Variants in TACR1 observed in about 807,000 individuals in gnomAD.
TACR1 encodes tachykinin receptor 1.
TACR1 carries 25 observed loss-of-function variants against 35.8 expected under a neutral mutation model. That is an observed-to-expected ratio of 0.70 (90% CI 0.51 to 0.98). The LOEUF is 0.98. Ranked by LOEUF, TACR1 falls within the 50% of genes least tolerant of loss-of-function variation. The pLI, the probability that TACR1 is intolerant of heterozygous loss-of-function variation, is 0.00. For missense variants in TACR1, 478 were observed against 522.9 expected (o/e 0.91, Z 0.84); for synonymous variants, 195 against 206.7 (o/e 0.94, Z 0.48).
In TACR1 at chr2:75,104,098, CCAAT is replaced by C. The variant is rs553880074; in HGVS notation, c.584+16472_584+16475del. Among the ~76,000 whole-genome samples, 1,054 of 152,002 alleles carry C rather than the reference CCAAT, an allele frequency of 6.9e-3. 8 individuals carry two copies. The highest frequency in any genetic ancestry group is 0.012 in the Non-Finnish European group (813 of 67,872). On this transcript the variant is annotated intron_variant, in intron 2 of 4. Coordinates refer to ENST00000305249, the MANE Select transcript of TACR1 (RefSeq NM_001058.4). ...ACAGAAAATAAGTGAATTAAATTCT[CCAAT>C]CAAAGGACACAGAGTGCTTAATGGA... is the stretch of plus-strand genomic sequence containing the variant.
At chr2:75,092,030 C>T (rs1673322693) in intron 2 of TACR1, among the ~76,000 whole-genome samples, 1 of 152,206 alleles carries the variant, frequency 6.6e-6, no homozygotes, top group Non-Finnish European at 1.5e-5. Flanking sequence ...GGCATAACAT[C>T]AGTGTGAGGT....
chr2:75,184,863 A>G (rs1009515195), intron 1 of TACR1, among the ~76,000 whole-genome samples: 1 of 151,888 alleles, frequency 6.6e-6, no homozygotes, highest in African/African-American at 2.4e-5. Flanking sequence ...AAGCTCGACT[A>G]CATAGACTAT....
intron 2 of TACR1, among the ~76,000 whole-genome samples, chr2:75,102,054 A>G (rs867617993): frequency 1.3e-5 from 2 of 152,364 alleles, no homozygotes; most frequent in Middle Eastern, 3.4e-3. Context: ...CTCAAAAAGC[A>G]TTAGTGCCAT....
At chr2:75,070,401 A>T (rs1672855007) in intron 2 of TACR1, among the ~76,000 whole-genome samples, 1 of 152,182 alleles carries the variant, frequency 6.6e-6, no homozygotes. Flanking sequence ...CACCATCTAG[A>T]TGCTGGGTGG....
chr2:75,082,225 C>T (rs998635862), intron 2 of TACR1, among the ~76,000 whole-genome samples: 1 of 152,160 alleles, frequency 6.6e-6, no homozygotes, highest in Non-Finnish European at 1.5e-5. Flanking sequence ...CCAGCTTCCT[C>T]CATGTCCCTA....
At chr2:75,159,111 G>A (rs1336218582) in intron 1 of TACR1, among the ~76,000 whole-genome samples, 4 of 151,888 alleles carry the variant, frequency 2.6e-5, no homozygotes, top group Non-Finnish European at 5.9e-5. Context: ...AAAGGCCAAA[G>A]TAGCTAATTT....
chr2:75,166,611 C>A (rs1675148893), intron 1 of TACR1, among the ~76,000 whole-genome samples: 1 of 152,172 alleles, frequency 6.6e-6, no homozygotes, highest in African/African-American at 2.4e-5. Flanking sequence ...AGATAGCAAT[C>A]AATCTGGCCA....
intron 2 of TACR1, among the ~76,000 whole-genome samples, chr2:75,115,550 A>G (rs1673835924): frequency 6.6e-6 from 1 of 152,192 alleles, no homozygotes; most frequent in African/African-American, 2.4e-5. Context: ...GACAATCTAA[A>G]GTCCACCAAT....
At chr2:75,170,612 T>C (rs1021350669) in intron 1 of TACR1, among the ~76,000 whole-genome samples, 3 of 152,162 alleles carry the variant, frequency 2.0e-5, no homozygotes, top group Non-Finnish European at 4.4e-5. Context: ...TCCTAGAGAC[T>C]TGTTGAATGG....
chr2:75,179,851 AGACT>A (rs1675520261), intron 1 of TACR1, among the ~76,000 whole-genome samples: 2 of 152,200 alleles, frequency 1.3e-5, no homozygotes, highest in African/African-American at 2.4e-5. Context: ...GAGTAGACTT[AGACT>A]GAGTGATGAA....
intron 2 of TACR1, among the ~76,000 whole-genome samples, chr2:75,087,698 T>A (rs1377842097): frequency 6.6e-6 from 1 of 152,204 alleles, no homozygotes; most frequent in African/African-American, 2.4e-5. Flanking sequence ...CAGTAAATAA[T>A]TGGGTTTCTG....
rs371933483 is a variant in TACR1, at chr2:75,049,695, G to A, written c.961C>T (p.Arg321Trp). Residue 321 changes from arginine to tryptophan, a missense_variant, in exon 5 of 5, where the codon CGG (arginine) becomes TGG (tryptophan). Physicochemically the swap from Arg to Trp is moderately radical, Grantham distance 101. Transcript: ENST00000305249. The stretch of plus-strand genomic sequence containing the variant: ...CCGGCGCTGATGAAGGGGCAGCACC[G>A]GAAGGCATGCTTGAAGCCCAGACGG... The part of the protein sequence containing the change: ...RFRLGFKHAF[R>W]CCPFISAGDY... The A allele has an allele frequency of 2.7e-5, 44 of 1,613,744 alleles. No homozygotes were observed. The East Asian group carries it at 4.5e-4, about 16-fold the overall frequency.
At chr2:75,088,185 A>G (rs1016773355) in intron 2 of TACR1, among the ~76,000 whole-genome samples, 1 of 152,048 alleles carries the variant, frequency 6.6e-6, no homozygotes, top group Non-Finnish European at 1.5e-5. Context: ...CTGTGGCCGC[A>G]CTCAGCCCAC....
At chr2:75,088,988 C>G (rs779493144) in intron 2 of TACR1, among the ~76,000 whole-genome samples, 5 of 152,156 alleles carry the variant, frequency 3.3e-5, no homozygotes, top group Admixed American at 6.5e-5. Flanking sequence ...GCATCAAGCT[C>G]TCTTGGGATG....
intron 2 of TACR1, among the ~76,000 whole-genome samples, chr2:75,102,423 G>A (rs911788108): frequency 2.6e-5 from 4 of 152,106 alleles, no homozygotes; most frequent in African/African-American, 9.7e-5. Context: ...TCTATTATTT[G>A]AAGCCAAAGG....
At chr2:75,103,299 A>G (rs1371866221) in intron 2 of TACR1, among the ~76,000 whole-genome samples, 1 of 152,150 alleles carries the variant, frequency 6.6e-6, no homozygotes, top group Non-Finnish European at 1.5e-5. Flanking sequence ...GTAGTAGCAC[A>G]AAGTAAGAAA....
intron 1 of TACR1, among the ~76,000 whole-genome samples, chr2:75,134,864 C>T (rs1015170432): frequency 2.0e-5 from 3 of 152,138 alleles, no homozygotes; most frequent in East Asian, 3.8e-4. Flanking sequence ...TGTTGACTCT[C>T]AGATGTTGAT....
At chr2:75,164,699 G>A (rs1257165182) in intron 1 of TACR1, among the ~76,000 whole-genome samples, 1 of 152,202 alleles carries the variant, frequency 6.6e-6, no homozygotes, top group Non-Finnish European at 1.5e-5. Context: ...ATTTCATGAA[G>A]CAGAGTTAAT....
rs1449562614 is a variant in TACR1, at chr2:75,138,758, CTCATTCAATCAT to C, written c.390-18002_390-17991del. On this transcript the variant is annotated intron_variant, in intron 1 of 4. Coordinates refer to ENST00000305249, the MANE Select transcript of TACR1 (RefSeq NM_001058.4). ...GGGTGGTAGCCTGGAGACTCATCTA[CTCATTCAATCAT>C]TCATTCATTCATTCATTCAAATACT... 9.0e-5 allele frequency among the ~76,000 whole-genome samples: 6 copies of C among 67,022 alleles called. No individual in the cohort carries two copies. In the East Asian group the frequency reaches 1.4e-3, roughly 16 times the overall value. The allele number at this position is 67,022 out of a possible 152,430, so 44.0% of individuals were successfully genotyped here.
Sources: allele counts gnomAD v4.1 joint callset (sites outside exome capture counted in the v4.1 genomes callset), GRCh38; gene constraint gnomAD v4.1.1; transcripts MANE v1.5; gene names NCBI Gene and HGNC (gene_info 2026-07-23, HGNC 2026-07-21).